Variants in SEPTIN12 observed in about 807,000 individuals in gnomAD.
SEPTIN12 encodes the protein septin 12.
In SEPTIN12, 42 loss-of-function variants were observed where a neutral mutation model predicts 37.7. The observed-to-expected ratio is 1.11, with a 90% CI of 0.87 to 1.44. SEPTIN12 has a LOEUF of 1.44. SEPTIN12 is among the 40% of genes most tolerant of loss of function. The pLI, the probability that SEPTIN12 is intolerant of heterozygous loss-of-function variation, is 0.00. For missense variants in SEPTIN12, 613 were observed against 479.2 expected, an observed-to-expected ratio of 1.28 and a Z score of -2.61; for synonymous variants, 254 against 196.7, an observed-to-expected ratio of 1.29 and a Z score of -2.44.
chr16:4,786,558 T>C (rs944944175), intron 2 of SEPTIN12, among the ~76,000 whole-genome samples: 18 of 151,946 alleles, frequency 1.2e-4, no homozygotes, highest in African/African-American at 3.1e-4. Flanking sequence ...GGTTTCACCA[T>C]GTTAGCCAGG....
Position 4,786,022 on chromosome 16 carries a change from C to A in SEPTIN12, c.250G>T (p.Val84Leu), listed in dbSNP as rs765671529. 4.1e-5 allele frequency: 66 copies of A among 1,613,638 alleles called. No individual in the cohort carries two copies. The highest frequency in any genetic ancestry group is 5.1e-5 in the Non-Finnish European group (60 of 1,179,880). The change falls in exon 3 of 10, where the codon GTG becomes TTG. Residue 84 changes from valine to leucine, a missense_variant. Transcript: ENST00000268231. ...VWKSNPPGLG[V>L]PTPQTLQLHS... ...AGCTGCAGCGTCTGGGGTGTGGGCA[C>A]CCCCAAGCCCGGTGGGTTTGACTTC...
intron 7 of SEPTIN12, among the ~76,000 whole-genome samples, chr16:4,782,188 G>A (rs1017828731): frequency 2.0e-5 from 3 of 149,020 alleles, no homozygotes; most frequent in Non-Finnish European, 4.5e-5. Flanking sequence ...GGCCGCAAGT[G>A]ATCTGCCCAC....
At chr16:4,787,946 G>C (rs146611113) in intron 1 of SEPTIN12, 4 of 323,134 alleles carry the variant, frequency 1.2e-5, no homozygotes, top group South Asian at 9.6e-5. Flanking sequence ...CTCTCAGGTC[G>C]CTTCCCCCAG....
rs1450550624 is a variant in SEPTIN12, at chr16:4,783,723, T to TC, written c.555dup (p.Thr186AspfsTer44). 1 of 1,613,962 alleles carries TC rather than the reference T, an allele frequency of 6.2e-7. No individual in the cohort carries two copies. Among genetic ancestry groups the TC allele is most frequent in the South Asian group, 1.1e-5 (1 of 91,088 alleles). On this transcript the variant is annotated frameshift_variant, in exon 6 of 10. Coordinates refer to ENST00000268231, the MANE Select transcript of SEPTIN12 (RefSeq NM_144605.5). LOFTEE classifies it high-confidence loss of function. ...GCAATCACGGGCACCACATTCACAG[T>TC]CCGGCACAGCCGCTGCAGGAACTCA...
Position 4,777,738 on chromosome 16 carries a change from T to G in SEPTIN12, c.*59A>C. 1 of 1,157,262 alleles carries G rather than the reference T, an allele frequency of 8.6e-7. No individual in the cohort carries two copies. The highest frequency in any genetic ancestry group is 1.2e-6 in the Non-Finnish European group (1 of 828,686). The allele number at this position is 1,157,262 out of a possible 1,614,324, so 71.7% of individuals were successfully genotyped here. ...TTTAATAGATGCTCTGGTACATAGG[T>G]GTGTGTTGAGAGCCGCTGGGGACTC... On this transcript the variant is annotated 3_prime_UTR_variant, in exon 10 of 10. Coordinates refer to ENST00000268231, the MANE Select transcript of SEPTIN12 (RefSeq NM_144605.5).
chr16:4,783,218 C>A (rs9928311), intron 7 of SEPTIN12: 13,086 of 530,376 alleles, frequency 0.025, 1,350 homozygotes, highest in African/African-American at 0.23. Flanking sequence ...CCAATGTTCT[C>A]TATATATTCA....
chr16:4,787,784 A>G, intron 1 of SEPTIN12, 117 bp from the exon 2 acceptor site: 1 of 605,818 alleles, frequency 1.7e-6, no homozygotes, highest in South Asian at 2.0e-5. Flanking sequence ...TCCACACTTC[A>G]TGCCTCTGGT....
At chr16:4,781,811 A>G (rs962290783) in intron 7 of SEPTIN12, among the ~76,000 whole-genome samples, 1 of 151,044 alleles carries the variant, frequency 6.6e-6, no homozygotes, top group African/African-American at 2.4e-5. Flanking sequence ...CACCCGGCTA[A>G]TTTTGTATTT....
chr16:4,783,561 G>C lies in SEPTIN12; in HGVS notation c.631-4C>G, dbSNP rs1260768908. 1.2e-6 allele frequency: 2 copies of C among 1,613,362 alleles called. No individual in the cohort carries two copies. Among genetic ancestry groups the C allele is most frequent in the East Asian group, 4.5e-5 (2 of 44,896 alleles). ...GGGTCCTCAGGTTCTGCTGGATCTG[G>C]AGATCCCACACAGGTGACCTCAGCC... On this transcript the variant is annotated splice_polypyrimidine_tract_variant and splice_region_variant and intron_variant, in intron 6 of 9. Coordinates refer to ENST00000268231, the MANE Select transcript of SEPTIN12 (RefSeq NM_144605.5).
intron 7 of SEPTIN12, among the ~76,000 whole-genome samples, chr16:4,780,189 G>T (rs2082357803): frequency 6.6e-6 from 1 of 152,142 alleles, no homozygotes; most frequent in South Asian, 2.1e-4. Context: ...CTGGGCTCAA[G>T]TGATATCCCC....
chr16:4,778,657 C>T (rs918569438), intron 8 of SEPTIN12, among the ~76,000 whole-genome samples: 14 of 151,340 alleles, frequency 9.3e-5, no homozygotes, highest in African/African-American at 2.4e-4. Flanking sequence ...AAAAATTAGC[C>T]GGGTGTGGTG....
Position 4,781,671 on chromosome 16 carries a change from G to A in SEPTIN12, c.726+1791C>T, listed in dbSNP as rs561748262. Among the ~76,000 whole-genome samples, 3 of 150,454 alleles carry A rather than the reference G, an allele frequency of 2.0e-5. No individual in the cohort carries two copies. In the East Asian group the frequency reaches 5.9e-4, roughly 29 times the overall value. ...TTTTTTTTTTTTTTTTTGAGACAGG[G>A]TCTCACTCCCTTGCCCAGGCTGGGG... On this transcript the variant is annotated intron_variant, in intron 7 of 9. Transcript: ENST00000268231.
intron 4 of SEPTIN12, 130 bp downstream of exon 4, chr16:4,785,677 C>G (rs1326823683): frequency 3.0e-6 from 2 of 677,716 alleles, no homozygotes; most frequent in African/African-American, 3.6e-5. Flanking sequence ...CTTCGGGAGG[C>G]TGAGGCAGGA....
intron 1 of SEPTIN12, chr16:4,788,011 G>C (rs2082487428): frequency 4.4e-6 from 1 of 227,910 alleles, no homozygotes; most frequent in African/African-American, 2.3e-5. Flanking sequence ...CCAGGCTGGA[G>C]TCCTGGAGGG....
At chr16:4,778,065 C>A (rs775184035) in intron 9 of SEPTIN12, 21 bp downstream of exon 9, 1 of 1,614,014 alleles carries the variant, frequency 6.2e-7, no homozygotes, top group South Asian at 1.1e-5. Context: ...CCCCCTAGCC[C>A]CAGGCTCCCC....
intron 7 of SEPTIN12, among the ~76,000 whole-genome samples, 167 bp from the exon 8 acceptor site, chr16:4,779,953 G>A (rs926501356): frequency 3.3e-5 from 5 of 152,008 alleles, no homozygotes; most frequent in Non-Finnish European, 2.9e-5. Flanking sequence ...TCTAATTGGT[G>A]CCTCTGGCTG....
Position 4,787,556 on chromosome 16 carries a change from C to A in SEPTIN12, c.90G>T (p.Val30=), listed in dbSNP as rs746337330. The A allele has an allele frequency of 9.9e-6, 16 of 1,611,760 alleles. No individual in the cohort carries two copies. In the South Asian group the frequency reaches 1.3e-4, roughly 13 times the overall value. ...GCTGGTCCAGCACAGCCTCAATGCC[C>A]ACAGGACCAAGCATCTCGCAGGGTG... ...STPPCEMLGP[V]GIEAVLDQLK... The change falls in exon 2 of 10, where the codon GTG becomes GTT. Residue 30 remains valine, a synonymous_variant. Coordinates refer to ENST00000268231, the MANE Select transcript of SEPTIN12 (RefSeq NM_144605.5).
Position 4,784,071 on chromosome 16 carries a change from G to A in SEPTIN12, c.375-3C>T, listed in dbSNP as rs747439309. On this transcript the variant is annotated splice_polypyrimidine_tract_variant and splice_region_variant and intron_variant, in intron 4 of 9. Transcript: ENST00000268231. ...TGTAGCCCAGGATGGGGTCCCAGCT[G>A]AGGCGGGAGGTGGACCCTCCCCTCA... is the stretch of plus-strand genomic sequence containing the variant. 11 of 1,614,024 alleles carry A rather than the reference G, an allele frequency of 6.8e-6. No individual in the cohort carries two copies. Among genetic ancestry groups the A allele is most frequent in the South Asian group, 4.4e-5 (4 of 91,080 alleles).
Position 4,784,769 on chromosome 16 carries a change from CTAAATAAATAAATAAA to C in SEPTIN12, c.375-717_375-702del, listed in dbSNP as rs55943515. ...TGGGAAACAGACTGAGACACTGTCT[CTAAATAAATAAATAAA>C]TAAATAAATAAATAAATAAATAAAT... On this transcript the variant is annotated intron_variant, in intron 4 of 9. Coordinates refer to ENST00000268231, the MANE Select transcript of SEPTIN12 (RefSeq NM_144605.5). Among the ~76,000 whole-genome samples the C allele has an allele frequency of 4.0e-3, 546 of 136,316 alleles. 8 individuals are homozygous for C. Among genetic ancestry groups the C allele is most frequent in the African/African-American group, 0.013 (487 of 36,606 alleles). The allele number at this position is 136,316 out of a possible 152,430, so 89.4% of individuals were successfully genotyped here. A position where few individuals can be genotyped will look rare whatever the true frequency, so the allele number is the denominator to read the frequency against.
Sources: gnomAD v4.1 joint callset for allele counts (sites outside exome capture counted in the v4.1 genomes callset) on GRCh38, gnomAD v4.1.1 for gene constraint, MANE v1.5 for transcripts, NCBI Gene and HGNC (gene_info 2026-07-23, HGNC 2026-07-21) for gene names.